Variants in CRLF3 observed in about 807,000 individuals in gnomAD.
CRLF3 encodes cytokine receptor like factor 3.
CRLF3 carries 33 observed loss-of-function variants against 55.0 expected under a neutral mutation model. That is an observed-to-expected ratio of 0.60 (90% confidence interval 0.46 to 0.80). The LOEUF (loss-of-function observed/expected upper bound fraction) is 0.80. CRLF3 is among the 30% of genes least tolerant of loss of function. CRLF3 has a pLI of 0.00. For synonymous variants in CRLF3, 238 were observed against 196.8 expected (o/e 1.21, Z -1.75); for missense variants, 494 against 538.4 (o/e 0.92, Z 0.82).
intron 4 of CRLF3, among the ~76,000 whole-genome samples, chr17:30,795,380 C>T (rs544821704): frequency 6.6e-6 from 1 of 152,036 alleles, no homozygotes; most frequent in South Asian, 2.1e-4. Context: ...GCCTTAATCC[C>T]AGCTACTTGG....
chr17:30,806,594 G>T (rs994880976), intron 1 of CRLF3, among the ~76,000 whole-genome samples: 2 of 152,108 alleles, frequency 1.3e-5, no homozygotes, highest in African/African-American at 4.8e-5. Flanking sequence ...GGATATGACA[G>T]GAAAATCTTC....
intron 1 of CRLF3, among the ~76,000 whole-genome samples, chr17:30,822,472 G>A (rs1345468339): frequency 6.6e-6 from 1 of 152,162 alleles, no homozygotes; most frequent in Non-Finnish European, 1.5e-5. Flanking sequence ...ACTCAGTCTA[G>A]TCAGAAGGCA....
Position 30,797,352 on chromosome 17 carries a change from C to T in CRLF3, c.384G>A (p.Leu128=). The stretch of plus-strand genomic sequence containing the variant: ...GCGAGGCCTTTTTGGTAAAGCTCCA[C>T]AGTTTCTCATTCTCTTCTCCCACAC... The part of the protein sequence containing the change: ...LGGVGEENEK[L]WSFTKKASHI... The change falls in exon 3 of 8, where the codon CTG becomes CTA. Residue 128 remains leucine, a synonymous_variant. Transcript: ENST00000324238. The T allele has an allele frequency of 1.2e-6, 2 of 1,614,088 alleles. No individual in the cohort carries two copies. The highest frequency in any genetic ancestry group is 1.7e-6 in the Non-Finnish European group (2 of 1,179,960).
intron 7 of CRLF3, 36 bp downstream of exon 7, chr17:30,785,883 A>C (rs367776577): frequency 1.9e-5 from 20 of 1,078,364 alleles, no homozygotes; most frequent in Middle Eastern, 2.0e-4. Context: ...AATAATTAAT[A>C]TATTTCCAAG....
chr17:30,785,893 G>T, intron 7 of CRLF3, 26 bp downstream of exon 7: 1 of 1,170,608 alleles, frequency 8.5e-7, no homozygotes, highest in Non-Finnish European at 1.3e-6. Context: ...ATATTTCCAA[G>T]AGAATGACAG....
chr17:30,797,548 C>A, intron 2 of CRLF3, 150 bp from the exon 3 acceptor site: 1 of 642,394 alleles, frequency 1.6e-6, no homozygotes, highest in Non-Finnish European at 2.8e-6. Context: ...AAAGTAGAAA[C>A]TATTTTAGAC....
In CRLF3 at chr17:30,785,901, CAGTT is replaced by C. The variant is rs376160736; in HGVS notation, c.1072+14_1072+17del. On this transcript the variant is annotated intron_variant, in intron 7 of 7. Coordinates refer to ENST00000324238, the MANE Select transcript of CRLF3 (RefSeq NM_015986.4). Reference sequence around the variant, plus strand: ...AATTAATATATTTCCAAGAGAATGACAGTTATTTATCTCTTACCATTTGTACTAA... The same window carrying C: ...AATTAATATATTTCCAAGAGAATGACATTTATCTCTTACCATTTGTACTAA... The C allele has an allele frequency of 6.4e-4, 781 of 1,222,638 alleles. 6 individuals are homozygous for C. The African/African-American group carries it at 0.01, about 16-fold the overall frequency. The allele number at this position is 1,222,638 out of a possible 1,614,324, so 75.7% of individuals were successfully genotyped here.
Position 30,784,067 on chromosome 17 carries a change from A to G in CRLF3, c.*120T>C. The G allele has an allele frequency of 7.1e-6, 6 of 845,652 alleles. 1 individual carries two copies. In the South Asian group the frequency reaches 1.1e-4, roughly 16 times the overall value. The allele number at this position is 845,652 out of a possible 1,614,324, so 52.4% of individuals were successfully genotyped here. A position where few individuals can be genotyped will look rare whatever the true frequency, so the allele number is the denominator to read the frequency against. On this transcript the variant is annotated 3_prime_UTR_variant, in exon 8 of 8. Coordinates refer to ENST00000324238, the MANE Select transcript of CRLF3 (RefSeq NM_015986.4). ...AAATATTACAAAATGAATCCAGTAA[A>G]CACTTTCCAATGGCCTAAGTTAGAG...
chr17:30,786,422 A>G (rs930586863), intron 6 of CRLF3: 7 of 158,394 alleles, frequency 4.4e-5, no homozygotes, highest in Non-Finnish European at 9.7e-5. Context: ...TATTTTTAAT[A>G]GAGATGGGGT....
At chr17:30,787,099 G>C (rs1361708239) in intron 6 of CRLF3, among the ~76,000 whole-genome samples, 2 of 152,192 alleles carry the variant, frequency 1.3e-5, no homozygotes, top group African/African-American at 2.4e-5. Context: ...GCCTCCCAAA[G>C]TGCTGGGATT....
chr17:30,783,297 T>C lies in CRLF3; in HGVS notation c.*890A>G, dbSNP rs994690821. ...AACAAAAGGTACTACTTGCCTATTT[T>C]AGACACTTGGTCAAGCATTTAAAAA... is the stretch of plus-strand genomic sequence containing the variant. On this transcript the variant is annotated 3_prime_UTR_variant, in exon 8 of 8. Transcript: ENST00000324238. 1 of 152,200 alleles carries C rather than the reference T, an allele frequency of 6.6e-6. No homozygotes were observed. The highest frequency in any genetic ancestry group is 1.5e-5 in the Non-Finnish European group (1 of 68,044). 9.4% of individuals were successfully genotyped at this position (152,200 alleles called of 1,614,324 possible).
chr17:30,798,258 T>A (rs900193686), intron 2 of CRLF3, among the ~76,000 whole-genome samples: 4 of 151,712 alleles, frequency 2.6e-5, no homozygotes, highest in Non-Finnish European at 5.9e-5. Context: ...GGTGCCTGTA[T>A]TCCCAGCTAC....
Position 30,824,565 on chromosome 17 carries a change from C to T in CRLF3, c.87G>A (p.Glu29=), listed in dbSNP as rs1905086372. Residue 29 remains glutamate, a synonymous_variant, in exon 1 of 8, where the codon GAG becomes GAA. Transcript: ENST00000324238. The stretch of plus-strand genomic sequence containing the variant: ...GCAGCCCCTCAAGCCGGTGACCCAG[C>T]TCCCGCCGGTAGCTCTGCGCTGCCT... ...NVEAAQSYRR[E]LGHRLEGLRE... is the part of the protein sequence containing the mutation. 2.5e-6 allele frequency: 4 copies of T among 1,602,106 alleles called. No homozygotes were observed. The South Asian group carries it at 3.3e-5, about 13-fold the overall frequency.
intron 6 of CRLF3, among the ~76,000 whole-genome samples, chr17:30,788,352 AAGAAAGAAG>A (rs1309290082): frequency 2.0e-5 from 3 of 148,740 alleles, no homozygotes; most frequent in Non-Finnish European, 3.0e-5. Context: ...AAGAAAAGAA[AAGAAAGAAG>A]GAAACCTTAA....
intron 4 of CRLF3, among the ~76,000 whole-genome samples, chr17:30,795,611 C>T (rs1398285916): frequency 4.0e-5 from 6 of 151,464 alleles, no homozygotes; most frequent in African/African-American, 1.2e-4. Context: ...CATCGCTGCA[C>T]TCCAGCCTGG....
chr17:30,792,787 CACACAA>C (rs1171838759), intron 5 of CRLF3: 13 of 336,528 alleles, frequency 3.9e-5, no homozygotes, highest in African/African-American at 3.4e-4. Flanking sequence ...CATAATAAAT[CACACAA>C]GTGTTATCTC....
chr17:30,814,580 C>T (rs2142271102), intron 1 of CRLF3, among the ~76,000 whole-genome samples: 1 of 151,816 alleles, frequency 6.6e-6, no homozygotes, highest in East Asian at 1.9e-4. Flanking sequence ...TCGCTTGAAC[C>T]CGGGAGGCAG....
intron 3 of CRLF3, 95 bp downstream of exon 3, chr17:30,797,216 T>G: frequency 1.1e-6 from 1 of 886,622 alleles, no homozygotes; most frequent in Non-Finnish European, 1.9e-6. Flanking sequence ...ATATATTCTC[T>G]ATCTCCCTTA....
In CRLF3 at chr17:30,804,025, A is replaced by T. The variant is rs377477807; in HGVS notation, c.213T>A (p.Asp71Glu). 1.2e-6 allele frequency: 2 copies of T among 1,613,488 alleles called. No individual in the cohort carries two copies. The highest frequency in any genetic ancestry group is 2.7e-5 in the African/African-American group (2 of 74,908). Residue 71 changes from aspartate (D) to glutamate (E), a missense_variant, in exon 2 of 8, where the codon GAT becomes GAA. Physicochemically the swap from Asp to Glu is conservative, Grantham distance 45. Coordinates refer to ENST00000324238, the MANE Select transcript of CRLF3 (RefSeq NM_015986.4). ...CTTGCAAAAGGGTCACCAATCGCTCATCCAGGAGCTTTCCAAGGGTTCCCT... is the reference window on the plus strand; with the variant it reads ...CTTGCAAAAGGGTCACCAATCGCTCTTCCAGGAGCTTTCCAAGGGTTCCCT... ...DLKGTLGKLL[D>E]ERLVTLLQEV... is the part of the protein sequence containing the mutation.
Sources: gnomAD v4.1 joint callset for allele counts (sites outside exome capture counted in the v4.1 genomes callset) on GRCh38, gnomAD v4.1.1 for gene constraint, MANE v1.5 for transcripts, NCBI Gene and HGNC (gene_info 2026-07-23, HGNC 2026-07-21) for gene names.